Variants in MAGI2 observed in about 807,000 individuals in gnomAD.
MAGI2 encodes the protein membrane associated guanylate kinase, WW and PDZ domain containing 2.
A neutral mutation model predicts 133.3 loss-of-function variants in MAGI2; 35 were observed. The ratio of observed to expected loss-of-function variants is 0.26; its 90% confidence interval spans 0.20 to 0.35. The LOEUF (loss-of-function observed/expected upper bound fraction) is 0.35, where lower values mean the gene tolerates loss of function less well. Among genes scored for constraint, MAGI2 ranks in the 10% least tolerant of loss-of-function variants. The pLI, the probability that MAGI2 is intolerant of heterozygous loss-of-function variation, is 1.00. For synonymous variants in MAGI2, 729 were observed against 710.6 expected, an observed-to-expected ratio of 1.03 and a Z score of -0.41; for missense variants, 1,636 against 1,863.4, an observed-to-expected ratio of 0.88 and a Z score of 2.25.
At chr7:78,848,477 T>G (rs1365816762) in intron 2 of MAGI2, among the ~76,000 whole-genome samples, 1 of 152,022 alleles carries the variant, frequency 6.6e-6, no homozygotes, top group Admixed American at 6.6e-5. Flanking sequence ...CAAATATACA[T>G]TTTAAAGACT....
chr7:79,030,650 G>C (rs1455927107), intron 1 of MAGI2, among the ~76,000 whole-genome samples: 5 of 152,180 alleles, frequency 3.3e-5, no homozygotes, highest in African/African-American at 1.2e-4. Context: ...TAACAGAAGA[G>C]AGAATCTACT....
intron 1 of MAGI2, among the ~76,000 whole-genome samples, chr7:79,102,237 T>C (rs2129543310): frequency 6.6e-6 from 1 of 152,298 alleles, no homozygotes; most frequent in South Asian, 2.1e-4. Context: ...CATTTAATCA[T>C]TTGATTTTTT....
rs1243202048 is a variant in MAGI2, at chr7:79,423,541, A to G, written c.301+29479T>C. On this transcript the variant is annotated intron_variant, in intron 1 of 21. Coordinates refer to ENST00000354212, the MANE Select transcript of MAGI2 (RefSeq NM_012301.4). Reference sequence around the variant, plus strand: ...AATTAAGTATGGACATAATCTAAGAATAGTTTTTGTGAGGAGACGAGTCTT... The same window carrying G: ...AATTAAGTATGGACATAATCTAAGAGTAGTTTTTGTGAGGAGACGAGTCTT... 3.3e-5 allele frequency among the ~76,000 whole-genome samples: 5 copies of G among 152,082 alleles called. No homozygotes were observed. In the East Asian group the frequency reaches 5.8e-4, roughly 18 times the overall value.
chr7:78,511,284 A>G (rs892249116), intron 4 of MAGI2, among the ~76,000 whole-genome samples: 4 of 151,862 alleles, frequency 2.6e-5, no homozygotes, highest in African/African-American at 9.7e-5. Flanking sequence ...TTGATTTTTC[A>G]TCGTGGCTGT....
chr7:78,069,524 TGAAA>T (rs1814235959), intron 21 of MAGI2, among the ~76,000 whole-genome samples: 1 of 101,914 alleles, frequency 9.8e-6, no homozygotes, highest in Admixed American at 1.0e-4. Flanking sequence ...AGAGAGAGAT[TGAAA>T]GAAAGAGAGA....
intron 9 of MAGI2, among the ~76,000 whole-genome samples, chr7:78,257,463 C>T (rs1793107379): frequency 6.6e-6 from 1 of 152,180 alleles, no homozygotes; most frequent in Non-Finnish European, 1.5e-5. Context: ...AATAAAGGCA[C>T]TTGTCCTTTC....
intron 7 of MAGI2, among the ~76,000 whole-genome samples, chr7:78,349,192 G>A (rs1477852713): frequency 6.6e-6 from 1 of 152,118 alleles, no homozygotes; most frequent in Non-Finnish European, 1.5e-5. Flanking sequence ...CAGGATACAT[G>A]TGTTATTTAT....
At chr7:78,422,301 T>C (rs1187201138) in intron 6 of MAGI2, among the ~76,000 whole-genome samples, 4 of 152,186 alleles carry the variant, frequency 2.6e-5, no homozygotes, top group African/African-American at 4.8e-5. Context: ...TATAAAACTT[T>C]GGATCCTATA....
At chr7:79,425,355 A>G (rs1445929114) in intron 1 of MAGI2, among the ~76,000 whole-genome samples, 1 of 151,818 alleles carries the variant, frequency 6.6e-6, no homozygotes, top group African/African-American at 2.4e-5. Context: ...AAGATCATCC[A>G]TGAGGACGGA....
chr7:78,968,936 T>C (rs546574501), intron 2 of MAGI2, among the ~76,000 whole-genome samples: 3 of 152,188 alleles, frequency 2.0e-5, no homozygotes, highest in South Asian at 2.1e-4. Flanking sequence ...TGGTGGAATT[T>C]TCCTTCAATA....
intron 6 of MAGI2, among the ~76,000 whole-genome samples, chr7:78,463,311 T>C (rs1470799646): frequency 6.6e-6 from 1 of 152,176 alleles, no homozygotes; most frequent in African/African-American, 2.4e-5. Flanking sequence ...GAAACATACA[T>C]AGTAGACAGT....
At chr7:78,258,919 C>G (rs1793260824) in intron 9 of MAGI2, among the ~76,000 whole-genome samples, 1 of 152,122 alleles carries the variant, frequency 6.6e-6, no homozygotes, top group Non-Finnish European at 1.5e-5. Flanking sequence ...TGGCACAGAC[C>G]ATGTGCATCT....
At chr7:78,059,041 T>G (rs1812953471) in intron 21 of MAGI2, among the ~76,000 whole-genome samples, 1 of 152,234 alleles carries the variant, frequency 6.6e-6, no homozygotes, top group Non-Finnish European at 1.5e-5. Flanking sequence ...CACCTGCATC[T>G]TACTTCTGTT....
intron 10 of MAGI2, among the ~76,000 whole-genome samples, chr7:78,222,529 C>T (rs974834963): frequency 6.6e-6 from 1 of 152,148 alleles, no homozygotes; most frequent in Non-Finnish European, 1.5e-5. Flanking sequence ...AAGTAACTTA[C>T]CCCCAGTCAC....
intron 2 of MAGI2, among the ~76,000 whole-genome samples, chr7:78,687,217 A>C (rs1017707258): frequency 5.9e-5 from 9 of 152,024 alleles, no homozygotes. Context: ...AGCTGACCCA[A>C]AGCTTTTCCT....
chr7:79,228,138 GT>G (rs1469626587), intron 1 of MAGI2, among the ~76,000 whole-genome samples: 1 of 151,760 alleles, frequency 6.6e-6, no homozygotes, highest in Non-Finnish European at 1.5e-5. Flanking sequence ...GAGGCCAGGA[GT>G]TCAAGACTAG....
At chr7:78,428,009 G>A (rs1193273115) in intron 6 of MAGI2, among the ~76,000 whole-genome samples, 1 of 152,082 alleles carries the variant, frequency 6.6e-6, no homozygotes, top group Non-Finnish European at 1.5e-5. Context: ...CAATCCAAAC[G>A]CATAAATGAG....
intron 1 of MAGI2, among the ~76,000 whole-genome samples, chr7:79,309,994 G>T (rs954763892): frequency 8.3e-6 from 1 of 120,792 alleles, no homozygotes; most frequent in Non-Finnish European, 1.9e-5. Flanking sequence ...GAAAAGAAAA[G>T]AAAGAAAGAA....
At chr7:78,749,958 C>G (rs536502218) in intron 2 of MAGI2, among the ~76,000 whole-genome samples, 12 of 152,072 alleles carry the variant, frequency 7.9e-5, no homozygotes, top group Non-Finnish European at 1.8e-4. Context: ...TAGGTATACA[C>G]GTGCCATGGT....
Sources: allele counts gnomAD v4.1 joint callset (sites outside exome capture counted in the v4.1 genomes callset), GRCh38; gene constraint gnomAD v4.1.1; transcripts MANE v1.5; gene names NCBI Gene and HGNC (gene_info 2026-07-23, HGNC 2026-07-21).